The following SLC35G2 variants were observed in gnomAD, a reference collection of about 807,000 sequenced individuals.
SLC35G2 encodes solute carrier family 35 member G2.
In SLC35G2, 20 loss-of-function variants were observed where a neutral mutation model predicts 27.2. That is an observed-to-expected ratio of 0.74 (90% CI 0.52 to 1.07). SLC35G2 has a LOEUF of 1.07. Among genes scored for constraint, SLC35G2 ranks in the 50% least tolerant of loss-of-function variants. The pLI is 0.00. For synonymous variants in SLC35G2, 148 were observed against 165.3 expected, an observed-to-expected ratio of 0.90 and a Z score of 0.80; for missense variants, 416 against 493.3, an observed-to-expected ratio of 0.84 and a Z score of 1.48.
intron 1 of SLC35G2, among the ~76,000 whole-genome samples, chr3:136,827,560 G>A (rs1473457175): frequency 2.6e-5 from 4 of 152,112 alleles, no homozygotes; most frequent in Admixed American, 2.6e-4. Context: ...TTACGTATTT[G>A]AAGTTTTTCC....
chr3:136,820,738 T>C (rs553749226), intron 1 of SLC35G2, among the ~76,000 whole-genome samples: 1 of 152,356 alleles, frequency 6.6e-6, no homozygotes, highest in East Asian at 1.9e-4. Context: ...TTGACACTTC[T>C]AGTAAATGTG....
In SLC35G2 at chr3:136,819,456, C is replaced by T. The variant is rs1281984472; in HGVS notation, c.-191C>T. 2 of 152,318 alleles carry T rather than the reference C, an allele frequency of 1.3e-5. No individual in the cohort carries two copies. The highest frequency in any genetic ancestry group is 2.9e-5 in the Non-Finnish European group (2 of 68,106). The allele number at this position is 152,318 out of a possible 1,614,324, so 9.4% of individuals were successfully genotyped here. A position where few individuals can be genotyped will look rare whatever the true frequency, so the allele number is the denominator to read the frequency against. On this transcript the variant is annotated 5_prime_UTR_variant, in exon 1 of 2. Coordinates refer to ENST00000446465, the MANE Select transcript of SLC35G2 (RefSeq NM_025246.3). ...CTGAAAGGCCGCGGGGCCCGCATTT[C>T]TCTGTGCTGCCCTCCTGGAGAACCG...
At chr3:136,850,743 C>T (rs1937598845) in intron 1 of SLC35G2, among the ~76,000 whole-genome samples, 2 of 151,808 alleles carry the variant, frequency 1.3e-5, no homozygotes, top group South Asian at 4.1e-4. Flanking sequence ...CCTGTAATCC[C>T]AGCATTTTGA....
chr3:136,845,699 A>C (rs1937340875), intron 1 of SLC35G2, among the ~76,000 whole-genome samples: 1 of 151,442 alleles, frequency 6.6e-6, no homozygotes, highest in Admixed American at 6.6e-5. Flanking sequence ...AGGTTCAGGC[A>C]ATTCTCCTGC....
At chr3:136,840,543 T>C (rs1044389702) in intron 1 of SLC35G2, among the ~76,000 whole-genome samples, 1 of 140,096 alleles carries the variant, frequency 7.1e-6, no homozygotes, top group Non-Finnish European at 1.5e-5. Flanking sequence ...CCTCCCTCTC[T>C]CCCTTCCTTC....
chr3:136,853,067 C>T (rs1489681503), intron 1 of SLC35G2, among the ~76,000 whole-genome samples: 2 of 151,746 alleles, frequency 1.3e-5, no homozygotes, highest in African/African-American at 4.8e-5. Context: ...ACTTTTTTTC[C>T]CACTTGACAT....
chr3:136,842,727 A>C (rs1937151700), intron 1 of SLC35G2: 1 of 152,232 alleles, frequency 6.6e-6, no homozygotes, highest in South Asian at 2.1e-4. Flanking sequence ...ATTTTTGTTT[A>C]ATCAACTTTT....
At position 136,854,493 on chromosome 3, in the gene SLC35G2, T is replaced by TA; in HGVS notation, c.39dup (p.Arg14ThrfsTer23). 3 of 1,584,336 alleles carry TA rather than the reference T, an allele frequency of 1.9e-6. No individual in the cohort carries two copies. The highest frequency in any genetic ancestry group is 2.6e-6 in the Non-Finnish European group (3 of 1,165,580). ...CTTCTCCCTCCAGAAAATATCCAGT[T>TA]AAAAAACGGGTGAAAATACATCCCA... On this transcript the variant is annotated frameshift_variant, in exon 2 of 2. Coordinates refer to ENST00000446465, the MANE Select transcript of SLC35G2 (RefSeq NM_025246.3). LOFTEE classifies it high-confidence loss of function.
At chr3:136,831,906 A>G (rs1287255981) in intron 1 of SLC35G2, among the ~76,000 whole-genome samples, 1 of 148,704 alleles carries the variant, frequency 6.7e-6, no homozygotes, top group Admixed American at 6.7e-5. Context: ...TTTTTTGCCT[A>G]TTTAAAAAAT....
intron 1 of SLC35G2, among the ~76,000 whole-genome samples, chr3:136,826,098 G>A (rs188313418): frequency 2.3e-4 from 35 of 151,502 alleles, no homozygotes; most frequent in Admixed American, 5.9e-4. Context: ...GTACAGTGGC[G>A]CGATCTTGGC....
chr3:136,845,970 TGA>T (rs767178825), intron 1 of SLC35G2, among the ~76,000 whole-genome samples: 10 of 152,014 alleles, frequency 6.6e-5, no homozygotes, highest in East Asian at 1.9e-4. Flanking sequence ...GATGTTTCTG[TGA>T]GAGTGTTTTT....
chr3:136,821,289 A>G (rs1936450715), intron 1 of SLC35G2, among the ~76,000 whole-genome samples: 1 of 152,138 alleles, frequency 6.6e-6, no homozygotes, highest in African/African-American at 2.4e-5. Flanking sequence ...TTTCATCATA[A>G]AACTAGGTCA....
At chr3:136,846,381 A>G (rs892455532) in intron 1 of SLC35G2, 1 of 152,180 alleles carries the variant, frequency 6.6e-6, no homozygotes, top group Admixed American at 6.5e-5. Context: ...AACTGTGCAT[A>G]CTTTTAATTC....
At chr3:136,845,539 C>G (rs1221564131) in intron 1 of SLC35G2, among the ~76,000 whole-genome samples, 1 of 152,112 alleles carries the variant, frequency 6.6e-6, no homozygotes, top group East Asian at 1.9e-4. Context: ...GTTTAATTCT[C>G]TAGTGGTTTA....
intron 1 of SLC35G2, among the ~76,000 whole-genome samples, chr3:136,823,762 AT>A (rs59489340): frequency 0.5 from 71,100 of 141,846 alleles, 17,635 homozygotes; most frequent in East Asian, 0.66. Context: ...CACCTGGCTA[AT>A]TTTTTTTTTT....
intron 1 of SLC35G2, among the ~76,000 whole-genome samples, chr3:136,844,796 T>TC (rs1937290361): frequency 1.7e-5 from 1 of 59,760 alleles, no homozygotes; most frequent in Non-Finnish European, 3.1e-5. Flanking sequence ...ACTCTCTGTC[T>TC]CAAAAAAAAA....
At chr3:136,826,329 G>A (rs886624237) in intron 1 of SLC35G2, among the ~76,000 whole-genome samples, 5 of 150,550 alleles carry the variant, frequency 3.3e-5, no homozygotes, top group East Asian at 4.0e-4. Flanking sequence ...GAGCCACCAC[G>A]AGGTCCTGGG....
chr3:136,849,890 A>T (rs1046032764), intron 1 of SLC35G2, among the ~76,000 whole-genome samples: 3 of 149,546 alleles, frequency 2.0e-5, no homozygotes, highest in African/African-American at 7.3e-5. Flanking sequence ...GGATCACTTG[A>T]GGTCAGGGGT....
At chr3:136,842,091 GCTA>G (rs1167851171) in intron 1 of SLC35G2, 2 of 152,082 alleles carry the variant, frequency 1.3e-5, no homozygotes, top group African/African-American at 2.4e-5. Context: ...ATTTCATAAA[GCTA>G]CTTTTAATAT....
Sources: allele counts gnomAD v4.1 joint callset (sites outside exome capture counted in the v4.1 genomes callset), GRCh38; gene constraint gnomAD v4.1.1; transcripts MANE v1.5; gene names NCBI Gene and HGNC (gene_info 2026-07-23, HGNC 2026-07-21).